The following ZNF267 variants were observed in gnomAD, a reference collection of about 807,000 sequenced individuals.
The protein encoded by ZNF267 is zinc finger (C2H2).
In ZNF267, 61 loss-of-function variants were observed where a neutral mutation model predicts 71.6. That is an observed-to-expected ratio of 0.85 (90% confidence interval 0.69 to 1.05). ZNF267 has a LOEUF of 1.05. Among genes scored for constraint, ZNF267 ranks in the 50% least tolerant of loss-of-function variants. The pLI is 0.00. For missense variants in ZNF267, 852 were observed against 870.0 expected, an observed-to-expected ratio of 0.98 and a Z score of 0.26; for synonymous variants, 288 against 293.2, an observed-to-expected ratio of 0.98 and a Z score of 0.18.
chr16:31,916,583 CATAACCTT>C lies in ZNF267; in HGVS notation c.*103_*110del. The C allele has an allele frequency of 8.6e-7, 1 of 1,158,994 alleles. No homozygotes were observed. The highest frequency in any genetic ancestry group is 1.2e-6 in the Non-Finnish European group (1 of 836,178). The allele number at this position is 1,158,994 out of a possible 1,614,324, so 71.8% of individuals were successfully genotyped here. A position where few individuals can be genotyped will look rare whatever the true frequency, so the allele number is the denominator to read the frequency against. ...AACCCTACAAATGTTAAGAATGTGG[CATAACCTT>C]TAACTATTTTCAAGCCTTACACAAT... On this transcript the variant is annotated 3_prime_UTR_variant, in exon 4 of 4. Transcript: ENST00000300870.
chr16:31,877,128 A>C (rs2083857587), intron 1 of ZNF267, among the ~76,000 whole-genome samples: 1 of 150,118 alleles, frequency 6.7e-6, no homozygotes, highest in South Asian at 2.1e-4. Flanking sequence ...TCATTTTAAC[A>C]CTCCCCCCAC....
intron 3 of ZNF267, chr16:31,912,229 AG>A (rs2084141112): frequency 6.6e-6 from 1 of 151,664 alleles, no homozygotes; most frequent in Non-Finnish European, 1.5e-5. Context: ...CTTGTAGGAC[AG>A]GTCTGGTTTT....
At chr16:31,883,062 AG>A (rs2142333034) in intron 1 of ZNF267, among the ~76,000 whole-genome samples, 1 of 152,360 alleles carries the variant, frequency 6.6e-6, no homozygotes, top group African/African-American at 2.4e-5. Context: ...TCAGTTCTGT[AG>A]GTTTCCATTT....
Position 31,916,594 on chromosome 16 carries a change from A to G in ZNF267, c.*113A>G. On this transcript the variant is annotated 3_prime_UTR_variant, in exon 4 of 4. Transcript: ENST00000300870. The stretch of plus-strand genomic sequence containing the variant: ...TGTTAAGAATGTGGCATAACCTTTA[A>G]CTATTTTCAAGCCTTACACAATAGC... 1 of 1,063,458 alleles carries G rather than the reference A, an allele frequency of 9.4e-7. No homozygotes were observed. Among genetic ancestry groups the G allele is most frequent in the Non-Finnish European group, 1.3e-6 (1 of 753,914 alleles). 65.9% of individuals were successfully genotyped at this position (1,063,458 alleles called of 1,614,324 possible).
chr16:31,908,362 TTTA>T (rs1199891626), intron 3 of ZNF267, among the ~76,000 whole-genome samples: 2 of 152,218 alleles, frequency 1.3e-5, no homozygotes, highest in African/African-American at 2.4e-5. Context: ...GTTTCTTCAC[TTTA>T]TTGAGTATTT....
chr16:31,878,632 T>TA (rs11400660), intron 1 of ZNF267, among the ~76,000 whole-genome samples: 131,743 of 152,138 alleles, frequency 0.87, 59,041 homozygotes, highest in East Asian at 1. Flanking sequence ...GACCCAGGGA[T>TA]ATGTCAGAGC....
At chr16:31,893,751 A>G (rs984165469) in intron 3 of ZNF267, among the ~76,000 whole-genome samples, 6 of 152,212 alleles carry the variant, frequency 3.9e-5, no homozygotes, top group Non-Finnish European at 8.8e-5. Flanking sequence ...CTTCAGGTCC[A>G]CATTCAGATA....
At position 31,914,897 on chromosome 16, in the gene ZNF267, T is replaced by G; in HGVS notation, c.648T>G (p.Tyr216Ter). The G allele has an allele frequency of 1.2e-6, 2 of 1,612,314 alleles. No homozygotes were observed. The highest frequency in any genetic ancestry group is 1.7e-6 in the Non-Finnish European group (2 of 1,179,578). ...YRNVFIGEKN[Y>*]HCNNSEKTLN... The stretch of plus-strand genomic sequence containing the variant: ...ATGTTTTTATTGGAGAGAAAAATTA[T>G]CATTGCAATAATTCTGAAAAAACCT... Residue 216 changes from tyrosine to a stop codon, truncating the protein, a stop_gained, in exon 4 of 4, where the codon TAT (tyrosine) becomes TAG (stop). Coordinates refer to ENST00000300870, the MANE Select transcript of ZNF267 (RefSeq NM_003414.6). LOFTEE classifies it high-confidence loss of function.
At chr16:31,884,084 A>T (rs1428208197) in intron 1 of ZNF267, among the ~76,000 whole-genome samples, 1 of 152,216 alleles carries the variant, frequency 6.6e-6, no homozygotes, top group East Asian at 1.9e-4. Flanking sequence ...CTCAAAATCT[A>T]GATCTCCTGA....
Position 31,916,387 on chromosome 16 carries a change from A to C in ZNF267, c.2138A>C (p.Glu713Ala). 6.2e-7 allele frequency: 1 copy of C among 1,614,180 alleles called. No individual in the cohort carries two copies. The highest frequency in any genetic ancestry group is 8.5e-7 in the Non-Finnish European group (1 of 1,180,018). Residue 713 changes from glutamate (E) to alanine (A), a missense_variant, in exon 4 of 4, where the codon GAG becomes GCG. Physicochemically the swap from Glu to Ala is moderately radical, Grantham distance 107. Coordinates refer to ENST00000300870, the MANE Select transcript of ZNF267 (RefSeq NM_003414.6). ...ACACATCGGAGAAGTCATAGTGGAG[A>C]GAGACCCTACAAATGTGAAGAATGT... ...LTTHRRSHSGERPYKCEECGK... is the reference protein window; with the variant it reads ...LTTHRRSHSGARPYKCEECGK...
intron 3 of ZNF267, among the ~76,000 whole-genome samples, chr16:31,908,147 A>C (rs866293818): frequency 6.6e-6 from 1 of 152,152 alleles, no homozygotes. Flanking sequence ...TTAACTTCAG[A>C]AATTTATGCC....
chr16:31,877,955 G>C (rs1002651975), intron 1 of ZNF267, among the ~76,000 whole-genome samples: 1 of 152,086 alleles, frequency 6.6e-6, no homozygotes, highest in Admixed American at 6.6e-5. Flanking sequence ...TTAAGGATAG[G>C]GTTATGGGTG....
In ZNF267 at chr16:31,914,584, A is replaced by C; in HGVS notation, c.335A>C (p.His112Pro). ...GGGAGCTGTGATCTTGAGAATTTAC[A>C]TTTAAGAAAAAGGTGGAAAAGGGAG... ...RHGSCDLENL[H>P]LRKRWKREEC... Residue 112 changes from histidine (H) to proline (P), a missense_variant, in exon 4 of 4, where the codon CAT becomes CCT. His to Pro is a moderately conservative substitution (Grantham distance 77, BLOSUM62 -2). Transcript: ENST00000300870. The C allele has an allele frequency of 1.2e-6, 2 of 1,614,180 alleles. No individual in the cohort carries two copies. Among genetic ancestry groups the C allele is most frequent in the Non-Finnish European group, 1.7e-6 (2 of 1,180,028 alleles).
chr16:31,880,897 CT>C (rs1482337019), intron 1 of ZNF267, among the ~76,000 whole-genome samples: 6 of 152,160 alleles, frequency 3.9e-5, no homozygotes, highest in Admixed American at 3.9e-4. Context: ...CATCCAGGAA[CT>C]TTCAGTCTAA....
At chr16:31,910,576 T>C (rs1441606088) in intron 3 of ZNF267, among the ~76,000 whole-genome samples, 2 of 151,730 alleles carry the variant, frequency 1.3e-5, no homozygotes, top group Non-Finnish European at 2.9e-5. Flanking sequence ...TTTGAATTTC[T>C]GCAGTGTCAG....
At chr16:31,906,566 A>T (rs1198623705) in intron 3 of ZNF267, among the ~76,000 whole-genome samples, 1 of 152,212 alleles carries the variant, frequency 6.6e-6, no homozygotes, top group Non-Finnish European at 1.5e-5. Flanking sequence ...TGGGTGTAGG[A>T]ACCTCCGAGC....
chr16:31,902,812 A>G (rs2084052746), intron 3 of ZNF267, among the ~76,000 whole-genome samples: 1 of 152,170 alleles, frequency 6.6e-6, no homozygotes, highest in African/African-American at 2.4e-5. Context: ...TGCCCTGGCC[A>G]GAACTTCCAA....
rs760966015 is a variant in ZNF267 at position 31,914,804 on chromosome 16, A to G, written c.555A>G (p.Gly185=). ...LNQQEEIDIW[G]KHHIYDKTSV... ...AACAAGAGGAAATAGATATTTGGGG[A>G]AAACATCACATATATGATAAAACTT... Residue 185 remains glycine (G), a synonymous_variant, in exon 4 of 4, where the codon GGA becomes GGG. Coordinates refer to ENST00000300870, the MANE Select transcript of ZNF267 (RefSeq NM_003414.6). The G allele has an allele frequency of 5.0e-6, 8 of 1,612,932 alleles. No individual in the cohort carries two copies. Among genetic ancestry groups the G allele is most frequent in the Non-Finnish European group, 6.8e-6 (8 of 1,179,672 alleles).
chr16:31,896,709 A>G (rs2084001914), intron 3 of ZNF267, among the ~76,000 whole-genome samples: 3 of 152,096 alleles, frequency 2.0e-5, no homozygotes, highest in African/African-American at 7.2e-5. Context: ...AAGGTATTGT[A>G]TTGTCTCCGG....
Sources: gnomAD v4.1 joint callset for allele counts (sites outside exome capture counted in the v4.1 genomes callset) on GRCh38, gnomAD v4.1.1 for gene constraint, MANE v1.5 for transcripts, NCBI Gene and HGNC (gene_info 2026-07-23, HGNC 2026-07-21) for gene names.